Variants in EYS observed in about 807,000 individuals in gnomAD.
EYS encodes the protein protein eyes shut homolog.
A neutral mutation model predicts 282.1 loss-of-function variants in EYS; 250 were observed. That is an observed-to-expected ratio of 0.89 (90% CI 0.80 to 0.98). The LOEUF (loss-of-function observed/expected upper bound fraction) is 0.98, where lower values mean the gene tolerates loss of function less well. Ranked by LOEUF, EYS falls within the 50% of genes least tolerant of loss-of-function variation. The pLI is 0.00. For missense variants in EYS, 4,016 were observed against 3,709.0 expected, an observed-to-expected ratio of 1.08 and a Z score of -2.15; for synonymous variants, 1,355 against 1,282.9, an observed-to-expected ratio of 1.06 and a Z score of -1.20.
At chr6:65,301,397 C>T (rs555244734) in intron 11 of EYS, among the ~76,000 whole-genome samples, 1 of 152,222 alleles carries the variant, frequency 6.6e-6, no homozygotes, top group Admixed American at 6.5e-5. Flanking sequence ...AGAACCCTCG[C>T]GCCCTGCGTC....
At chr6:65,080,911 G>T (rs1370557797) in intron 12 of EYS, among the ~76,000 whole-genome samples, 4 of 152,030 alleles carry the variant, frequency 2.6e-5, no homozygotes, top group Admixed American at 2.6e-4. Context: ...GAACAACCTG[G>T]TATCTTTATC....
intron 19 of EYS, among the ~76,000 whole-genome samples, chr6:64,832,002 T>C (rs1256112838): frequency 6.6e-6 from 1 of 151,898 alleles, no homozygotes; most frequent in Non-Finnish European, 1.5e-5. Flanking sequence ...AGATGCAGAA[T>C]ATCTCTAAGT....
At position 65,469,975 on chromosome 6, in the gene EYS, C is replaced by G. The variant is rs544899426; in HGVS notation, c.862+20619G>C. On this transcript the variant is annotated intron_variant, in intron 5 of 42. Transcript: ENST00000503581. ...ATGGCATTTTAAATTTTATGTATGG[C>G]TTTTAAAAATTGTCTATATAAGAGA... Among the ~76,000 whole-genome samples, 330 of 152,146 alleles carry G rather than the reference C, an allele frequency of 2.2e-3. 3 individuals are homozygous for G. Among genetic ancestry groups the G allele is most frequent in the Admixed American group, 6.1e-3 (94 of 15,288 alleles).
chr6:63,842,605 C>T (rs778982882), intron 36 of EYS, among the ~76,000 whole-genome samples: 14 of 152,014 alleles, frequency 9.2e-5, no homozygotes, highest in East Asian at 3.9e-4. Context: ...GAAGCTCTTT[C>T]GTTTAATTAG....
At chr6:64,583,570 C>T (rs1201378589) in intron 26 of EYS, among the ~76,000 whole-genome samples, 3 of 152,064 alleles carry the variant, frequency 2.0e-5, no homozygotes, top group African/African-American at 7.2e-5. Context: ...CCAAGGTGGG[C>T]TTATCACCTG....
At chr6:64,943,619 C>A (rs919254169) in intron 15 of EYS, among the ~76,000 whole-genome samples, 17 of 151,774 alleles carry the variant, frequency 1.1e-4, no homozygotes, top group Non-Finnish European at 2.4e-4. Context: ...AACAAACAAA[C>A]AAACAAAAAA....
intron 15 of EYS, among the ~76,000 whole-genome samples, chr6:64,937,603 T>C (rs1234820484): frequency 6.6e-6 from 1 of 151,546 alleles, no homozygotes; most frequent in Non-Finnish European, 1.5e-5. Flanking sequence ...ATTTCACACC[T>C]ACTAGAAGGG....
At chr6:63,971,012 A>T (rs1177732695) in intron 35 of EYS, among the ~76,000 whole-genome samples, 1 of 152,234 alleles carries the variant, frequency 6.6e-6, no homozygotes, top group Admixed American at 6.5e-5. Context: ...GGTTGGATAT[A>T]AAAATGGTTA....
chr6:64,302,743 C>T (rs1436948605), intron 30 of EYS, among the ~76,000 whole-genome samples: 2 of 152,102 alleles, frequency 1.3e-5, no homozygotes, highest in East Asian at 1.9e-4. Flanking sequence ...CTTATTTACC[C>T]TTAATTTTTA....
chr6:65,121,378 T>TTAGGCA (rs1240707462), intron 12 of EYS, among the ~76,000 whole-genome samples: 1 of 152,194 alleles, frequency 6.6e-6, no homozygotes, highest in East Asian at 1.9e-4. Context: ...TAAGATGGAA[T>TTAGGCA]TAGGCATCAG....
chr6:64,425,458 C>G (rs1434777431), intron 28 of EYS, among the ~76,000 whole-genome samples: 1 of 151,878 alleles, frequency 6.6e-6, no homozygotes. Flanking sequence ...AGTTTGAGAC[C>G]AGACTGGCCC....
chr6:65,370,256 C>CTT (rs35707502), intron 8 of EYS, among the ~76,000 whole-genome samples: 1,635 of 127,112 alleles, frequency 0.013, 56 homozygotes, highest in African/African-American at 0.038. Flanking sequence ...CTTTCTCTCT[C>CTT]TTTTTTTTTT....
chr6:65,428,748 A>T (rs1562174735), intron 5 of EYS, among the ~76,000 whole-genome samples: 2 of 152,170 alleles, frequency 1.3e-5, no homozygotes, highest in South Asian at 2.1e-4. Flanking sequence ...TCACTGAGGA[A>T]TTTTTTTTAA....
At position 64,082,651 on chromosome 6, in the gene EYS, T is replaced by C. The variant is rs1044288789; in HGVS notation, c.6425-649A>G. ...TTTATTAATGTTCATTAATATTTAG[T>C]GCTTTTCAATAATACTTAGTTATTT... On this transcript the variant is annotated intron_variant, in intron 31 of 42. Transcript: ENST00000503581. 3.3e-5 allele frequency among the ~76,000 whole-genome samples: 5 copies of C among 152,274 alleles called. No homozygotes were observed. In the South Asian group the frequency reaches 6.2e-4, roughly 19 times the overall value.
At chr6:64,250,555 A>G (rs1386938937) in intron 30 of EYS, among the ~76,000 whole-genome samples, 2 of 152,366 alleles carry the variant, frequency 1.3e-5, no homozygotes, top group African/African-American at 2.4e-5. Context: ...TTTCCTTTCA[A>G]AATTCAAAAG....
chr6:64,778,612 G>C (rs1234053019), intron 22 of EYS, among the ~76,000 whole-genome samples: 1 of 152,130 alleles, frequency 6.6e-6, no homozygotes, highest in African/African-American at 2.4e-5. Context: ...AGATAAGCCA[G>C]CAACTGGGAT....
rs116050801 is a variant in EYS, at chr6:65,127,048, A to C, written c.2024-69321T>G. Among the ~76,000 whole-genome samples, 319 of 152,254 alleles carry C rather than the reference A, an allele frequency of 2.1e-3. 1 individual carries two copies. The highest frequency in any genetic ancestry group is 7.4e-3 in the African/African-American group (308 of 41,562). Reference sequence around the variant, plus strand: ...GAAAAAGGAACACTGTGCCAGGGGAAGCTTGCGACAATGAAAACTGTTTCA... The same window carrying C: ...GAAAAAGGAACACTGTGCCAGGGGACGCTTGCGACAATGAAAACTGTTTCA... On this transcript the variant is annotated intron_variant, in intron 12 of 42. Transcript: ENST00000503581.
At chr6:63,952,441 T>C (rs931233551) in intron 35 of EYS, among the ~76,000 whole-genome samples, 2 of 152,168 alleles carry the variant, frequency 1.3e-5, no homozygotes, top group Non-Finnish European at 2.9e-5. Flanking sequence ...GTCGGTCCCC[T>C]TCTTAATCAA....
intron 35 of EYS, among the ~76,000 whole-genome samples, chr6:63,882,365 A>G (rs1166176930): frequency 2.0e-5 from 3 of 152,162 alleles, no homozygotes; most frequent in Non-Finnish European, 4.4e-5. Flanking sequence ...GTCACATCGC[A>G]TTTGGTTTTA....
Sources: gnomAD v4.1 joint callset for allele counts (sites outside exome capture counted in the v4.1 genomes callset) on GRCh38, gnomAD v4.1.1 for gene constraint, MANE v1.5 for transcripts, NCBI Gene and HGNC (gene_info 2026-07-23, HGNC 2026-07-21) for gene names.